DGKD: variants seen among roughly 807,000 people sequenced by gnomAD.
The protein encoded by DGKD is diacylglycerol kinase delta.
In DGKD, 68 loss-of-function variants were observed where a neutral mutation model predicts 154.4. The ratio of observed to expected loss-of-function variants is 0.44; its 90% CI spans 0.36 to 0.54. DGKD has a LOEUF of 0.54. Among genes scored for constraint, DGKD ranks in the 20% least tolerant of loss-of-function variants. DGKD has a pLI of 0.00. For missense variants in DGKD, 1,343 were observed against 1,593.6 expected (o/e 0.84, Z 2.68); for synonymous variants, 693 against 638.0 (o/e 1.09, Z -1.30).
intron 3 of DGKD, among the ~76,000 whole-genome samples, chr2:233,401,908 A>C (rs2061566601): frequency 8.2e-6 from 1 of 121,416 alleles, no homozygotes; most frequent in Non-Finnish European, 1.6e-5. Context: ...CGACAGAGTG[A>C]GACTCTGTCT....
chr2:233,375,711 C>T (rs2125407326), intron 1 of DGKD, among the ~76,000 whole-genome samples: 1 of 152,134 alleles, frequency 6.6e-6, no homozygotes, highest in African/African-American at 2.4e-5. Flanking sequence ...CCTGTCTGCA[C>T]CCCTCTTATG....
At chr2:233,401,759 A>T (rs977181761) in intron 3 of DGKD, among the ~76,000 whole-genome samples, 15 of 151,886 alleles carry the variant, frequency 9.9e-5, no homozygotes, top group Admixed American at 7.9e-4. Context: ...GTCTCTACTA[A>T]AAATATAAAA....
At chr2:233,460,078 A>C in intron 23 of DGKD, 116 bp from the exon 24 acceptor site, 1 of 1,498,270 alleles carries the variant, frequency 6.7e-7, no homozygotes, top group Non-Finnish European at 8.9e-7. Flanking sequence ...TTAAAAAAAA[A>C]AAAAAGTCCT....
chr2:233,375,921 A>T lies in DGKD; in HGVS notation c.157-12336A>T, dbSNP rs534881217. Among the ~76,000 whole-genome samples, 3 of 152,292 alleles carry T rather than the reference A, an allele frequency of 2.0e-5. No individual in the cohort carries two copies. In the South Asian group the frequency reaches 6.2e-4, roughly 32 times the overall value. ...ATCCCTCTGATGGAGCAGTTTCCTG[A>T]AAGGTCAAGGGTCGAGTCCCTTTCA... On this transcript the variant is annotated intron_variant, in intron 1 of 29. Transcript: ENST00000264057.
At chr2:233,408,394 A>G (rs1017065487) in intron 3 of DGKD, among the ~76,000 whole-genome samples, 17 of 152,198 alleles carry the variant, frequency 1.1e-4, no homozygotes, top group African/African-American at 3.9e-4. Flanking sequence ...AATTGCTGCA[A>G]CTGCTGGCCC....
chr2:233,429,889 C>G (rs571069831), intron 3 of DGKD, among the ~76,000 whole-genome samples: 1 of 152,358 alleles, frequency 6.6e-6, no homozygotes, highest in African/African-American at 2.4e-5. Context: ...CATGCAGTGG[C>G]GACCCAGTTC....
At chr2:233,404,172 A>G (rs553650033) in intron 3 of DGKD, among the ~76,000 whole-genome samples, 1 of 152,186 alleles carries the variant, frequency 6.6e-6, no homozygotes, top group East Asian at 1.9e-4. Context: ...CTGTTTTATC[A>G]TAAGATTCCC....
At position 233,458,655 on chromosome 2, in the gene DGKD, A is replaced by G. The variant is rs187476261; in HGVS notation, c.2694+258A>G. 3.0e-4 allele frequency among the ~76,000 whole-genome samples: 44 copies of G among 146,720 alleles called. No homozygotes were observed. Among genetic ancestry groups the G allele is most frequent in the African/African-American group, 1.1e-3 (43 of 39,630 alleles). ...GAGACAGAGTCTTGCTCTGTTGCCC[A>G]GGCTGGAGTGCAGTGGTGCAATCTC... On this transcript the variant is annotated intron_variant, in intron 22 of 29. Coordinates refer to ENST00000264057, the MANE Select transcript of DGKD (RefSeq NM_152879.3). This position sits in a 1 kb window ranked among gnomAD's most constrained non-coding sequence, Gnocchi z 6.6.
chr2:233,403,426 G>C (rs992042683), intron 3 of DGKD, among the ~76,000 whole-genome samples: 13 of 151,764 alleles, frequency 8.6e-5, no homozygotes, highest in African/African-American at 2.9e-4. Flanking sequence ...TGGATGTGGT[G>C]GTGGGCGCCT....
chr2:233,367,102 C>G (rs756861942), intron 1 of DGKD, among the ~76,000 whole-genome samples: 1 of 152,180 alleles, frequency 6.6e-6, no homozygotes, highest in Non-Finnish European at 1.5e-5. Flanking sequence ...TACGCATCAT[C>G]TTTGGTTGTT....
Position 233,449,448 on chromosome 2 carries a change from G to A in DGKD, c.1888+72G>A, listed in dbSNP as rs771757652. ...GGCATGCCCAGCGTCCCCTGAACAC[G>A]GAGATGACAGAAGGGTGCATGTTGA... On this transcript the variant is annotated intron_variant, in intron 15 of 29. Transcript: ENST00000264057. The surrounding 1 kb of genome is among the most constrained non-coding windows in gnomAD (Gnocchi z 5.3). The A allele has an allele frequency of 2.5e-4, 381 of 1,510,888 alleles. No homozygotes were observed. The highest frequency in any genetic ancestry group is 3.3e-4 in the Non-Finnish European group (369 of 1,124,946). The allele number at this position is 1,510,888 out of a possible 1,614,324, so 93.6% of individuals were successfully genotyped here.
chr2:233,468,315 A>T lies in DGKD; in HGVS notation c.3425-108A>T, dbSNP rs1413089414. 9.4e-6 allele frequency: 13 copies of T among 1,382,782 alleles called. No individual in the cohort carries two copies. In the East Asian group the frequency reaches 3.1e-4, roughly 33 times the overall value. The allele number at this position is 1,382,782 out of a possible 1,614,324, so 85.7% of individuals were successfully genotyped here. ...GCTGTCTCGGGTGCTGGCTGTTGGGACGTCTCCTGTCCTGGCACTGGGCTC... is the reference window on the plus strand; with the variant it reads ...GCTGTCTCGGGTGCTGGCTGTTGGGTCGTCTCCTGTCCTGGCACTGGGCTC... On this transcript the variant is annotated intron_variant, in intron 28 of 29. Coordinates refer to ENST00000264057, the MANE Select transcript of DGKD (RefSeq NM_152879.3).
At position 233,458,520 on chromosome 2, in the gene DGKD, C is replaced by G; in HGVS notation, c.2694+123C>G. 1.7e-6 allele frequency: 1 copy of G among 602,012 alleles called. No homozygotes were observed. 37.3% of individuals were successfully genotyped at this position (602,012 alleles called of 1,614,324 possible). On this transcript the variant is annotated intron_variant, in intron 22 of 29. Coordinates refer to ENST00000264057, the MANE Select transcript of DGKD (RefSeq NM_152879.3). This position sits in a 1 kb window ranked among gnomAD's most constrained non-coding sequence, Gnocchi z 6.6. ...CAGGGCCATGTGGCTGCCTCATGTC[C>G]TGTCCTGGACAGCTCGTGGCCCCAC...
At chr2:233,377,930 C>A (rs188606351) in intron 1 of DGKD, among the ~76,000 whole-genome samples, 11 of 152,214 alleles carry the variant, frequency 7.2e-5, no homozygotes, top group African/African-American at 2.4e-4. Context: ...CCTCCCACCT[C>A]AGCCTCTCAA....
At chr2:233,427,549 C>G (rs2062353165) in intron 3 of DGKD, among the ~76,000 whole-genome samples, 1 of 152,100 alleles carries the variant, frequency 6.6e-6, no homozygotes, top group African/African-American at 2.4e-5. Context: ...ACCATGTTGG[C>G]CAGGCTGGTC....
chr2:233,447,989 C>A, intron 12 of DGKD, 98 bp from the exon 13 acceptor site: 1 of 1,576,934 alleles, frequency 6.3e-7, no homozygotes, highest in Non-Finnish European at 8.6e-7. Flanking sequence ...TCTTTCCCAG[C>A]TTGTGCTGGC....
Position 233,354,629 on chromosome 2 carries a change from G to C in DGKD, c.111G>C (p.Gln37His). The part of the protein sequence containing the change: ...SEPEAEPGSP[Q>H]KLIRKVSTSG... Reference sequence around the variant, plus strand: ...CCGAGGCGGAGCCCGGCTCCCCACAGAAGCTCATCCGCAAGGTGTCCACGT... The same window carrying C: ...CCGAGGCGGAGCCCGGCTCCCCACACAAGCTCATCCGCAAGGTGTCCACGT... The change falls in exon 1 of 30, where the codon CAG (glutamine) becomes CAC (histidine). Residue 37 changes from glutamine (Q) to histidine (H), a missense_variant. Physicochemically the swap from Gln to His is conservative, Grantham distance 24. Around this residue, in one of 6 missense-constraint regions of DGKD, gnomAD observed 332 missense variants for 400.1 expected, o/e 0.83. Transcript: ENST00000264057. The surrounding 1 kb of genome is among the most constrained non-coding windows in gnomAD (Gnocchi z 4.8). The C allele has an allele frequency of 8.9e-7, 1 of 1,123,246 alleles. No individual in the cohort carries two copies. The highest frequency in any genetic ancestry group is 1.1e-6 in the Non-Finnish European group (1 of 902,932). 69.6% of individuals were successfully genotyped at this position (1,123,246 alleles called of 1,614,324 possible). A position where few individuals can be genotyped will look rare whatever the true frequency, so the allele number is the denominator to read the frequency against.
At chr2:233,397,595 G>A (rs2061450375) in intron 3 of DGKD, among the ~76,000 whole-genome samples, 2 of 151,972 alleles carry the variant, frequency 1.3e-5, no homozygotes, top group African/African-American at 4.8e-5. Flanking sequence ...GCAGAGGCCA[G>A]AGTGAGAGGA....
intron 3 of DGKD, among the ~76,000 whole-genome samples, chr2:233,425,621 G>A (rs1203622123): frequency 6.6e-6 from 1 of 152,168 alleles, no homozygotes; most frequent in Non-Finnish European, 1.5e-5. Context: ...ACTAATATTA[G>A]TGTTTTCTCT....
Sources: gnomAD v4.1 joint callset for allele counts (sites outside exome capture counted in the v4.1 genomes callset) on GRCh38, gnomAD v4.1.1 for gene constraint, gnomAD v4.1.1 regional missense constraint, Gnocchi (gnomAD v3.1) non-coding constraint, MANE v1.5 for transcripts, NCBI Gene and HGNC (gene_info 2026-07-23, HGNC 2026-07-21) for gene names.